The following GAS7 variants were observed in gnomAD, a reference collection of about 807,000 sequenced individuals.
GAS7 encodes the protein growth arrest specific 7.
In GAS7, 28 loss-of-function variants were observed where a neutral mutation model predicts 71.1. That is an observed-to-expected ratio of 0.39 (90% CI 0.29 to 0.54). The LOEUF (loss-of-function observed/expected upper bound fraction) is 0.54, where lower values mean the gene tolerates loss of function less well. Ranked by LOEUF, GAS7 falls within the 20% of genes least tolerant of loss-of-function variation. The pLI, the probability that GAS7 is intolerant of heterozygous loss-of-function variation, is 0.62. For missense variants in GAS7, 436 were observed against 627.8 expected (o/e 0.69, Z 3.27); for synonymous variants, 258 against 245.8 (o/e 1.05, Z -0.46).
In GAS7 at chr17:9,959,287, C is replaced by A. The variant is rs765094573; in HGVS notation, c.472-32G>T. On this transcript the variant is annotated intron_variant, in intron 4 of 13. Transcript: ENST00000432992. This position sits in a 1 kb window ranked among gnomAD's most constrained non-coding sequence, Gnocchi z 5.0. ...AGAGAGGCAAGAAACATCGTCAAAGCTGTTCTCCATATTGGACATTTTTTC... is the reference window on the plus strand; with the variant it reads ...AGAGAGGCAAGAAACATCGTCAAAGATGTTCTCCATATTGGACATTTTTTC... 6 of 1,614,070 alleles carry A rather than the reference C, an allele frequency of 3.7e-6. No homozygotes were observed. The highest frequency in any genetic ancestry group is 4.2e-6 in the Non-Finnish European group (5 of 1,179,952).
intron 1 of GAS7, among the ~76,000 whole-genome samples, chr17:10,124,825 A>G (rs542213679): frequency 1.3e-5 from 2 of 152,052 alleles, no homozygotes; most frequent in African/African-American, 4.8e-5. Flanking sequence ...GGCTGAGGCA[A>G]GAGAATCGCT....
rs77021150 is a variant in GAS7 at position 9,925,611 on chromosome 17, G to T, written c.1015-12C>A. 3 of 1,613,918 alleles carry T rather than the reference G, an allele frequency of 1.9e-6. No homozygotes were observed. Among genetic ancestry groups the T allele is most frequent in the African/African-American group, 1.3e-5 (1 of 74,918 alleles). Reference sequence around the variant, plus strand: ...AGGGCTTTCCGGGCCTGGGGTCCAAGGACACGGAGAAGCTGCTCATACAGC... The same window carrying T: ...AGGGCTTTCCGGGCCTGGGGTCCAATGACACGGAGAAGCTGCTCATACAGC... On this transcript the variant is annotated splice_polypyrimidine_tract_variant and intron_variant, in intron 10 of 13. Transcript: ENST00000432992.
Position 10,082,835 on chromosome 17 carries a change from C to T in GAS7, c.184-62938G>A, listed in dbSNP as rs972119091. On this transcript the variant is annotated intron_variant, in intron 1 of 13. Transcript: ENST00000432992. ...AAAAAGGGGTGAACCATTGGTACAA[C>T]AATGAGGATGAATGTCAGACATTAT... 2.6e-5 allele frequency among the ~76,000 whole-genome samples: 4 copies of T among 152,172 alleles called. No individual in the cohort carries two copies. The East Asian group carries it at 5.8e-4, about 22-fold the overall frequency.
At chr17:9,923,611 T>C (rs993537563) in intron 11 of GAS7, among the ~76,000 whole-genome samples, 2 of 152,206 alleles carry the variant, frequency 1.3e-5, no homozygotes, top group Non-Finnish European at 2.9e-5. Flanking sequence ...ATATCATTTT[T>C]CCCCACTCAC....
intron 1 of GAS7, among the ~76,000 whole-genome samples, chr17:10,088,206 G>C (rs2073541202): frequency 7.2e-6 from 1 of 138,052 alleles, no homozygotes; most frequent in Admixed American, 7.5e-5. Context: ...GGGCAACAGA[G>C]CGAGACTCTA....
chr17:9,953,814 TG>T (rs573481492), intron 5 of GAS7, among the ~76,000 whole-genome samples: 56 of 152,260 alleles, frequency 3.7e-4, no homozygotes, highest in Non-Finnish European at 6.9e-4. Flanking sequence ...TACAAGGGGA[TG>T]GGGACCATCT....
At chr17:10,120,838 G>C (rs1275544660) in intron 1 of GAS7, among the ~76,000 whole-genome samples, 1 of 152,218 alleles carries the variant, frequency 6.6e-6, no homozygotes, top group East Asian at 1.9e-4. Flanking sequence ...CAGGCTGCTA[G>C]GGGGAGGGAG....
chr17:10,179,476 C>A (rs75516926), intron 1 of GAS7, among the ~76,000 whole-genome samples: 15 of 112,928 alleles, frequency 1.3e-4, no homozygotes, highest in African/African-American at 5.2e-4. Context: ...TTATCTGTCA[C>A]CTTATCTAAG....
At chr17:9,991,070 A>G (rs2070824310) in intron 2 of GAS7, among the ~76,000 whole-genome samples, 1 of 152,316 alleles carries the variant, frequency 6.6e-6, no homozygotes, top group South Asian at 2.1e-4. Flanking sequence ...ACAGTTTCTG[A>G]CACAGAGTAA....
chr17:10,086,534 A>G (rs2073521674), intron 1 of GAS7, among the ~76,000 whole-genome samples: 1 of 152,242 alleles, frequency 6.6e-6, no homozygotes. Flanking sequence ...GAATGGTGAC[A>G]GAGTTTGAGT....
chr17:10,186,221 T>C (rs550372821), intron 1 of GAS7, among the ~76,000 whole-genome samples: 1 of 151,904 alleles, frequency 6.6e-6, no homozygotes, highest in Non-Finnish European at 1.5e-5. Flanking sequence ...CCTCCCAAAG[T>C]GCTGGCATTC....
chr17:10,019,990 G>T, intron 1 of GAS7, 93 bp from the exon 2 acceptor site: 1 of 1,232,130 alleles, frequency 8.1e-7, no homozygotes, highest in Non-Finnish European at 1.2e-6. Flanking sequence ...TCACCCTACA[G>T]TAGCGTGACA....
chr17:10,010,681 A>T (rs527811111), intron 2 of GAS7, among the ~76,000 whole-genome samples: 1 of 152,304 alleles, frequency 6.6e-6, no homozygotes, highest in African/African-American at 2.4e-5. Context: ...CCTACCTTAG[A>T]CGTGCCCAGA....
intron 2 of GAS7, among the ~76,000 whole-genome samples, chr17:10,013,678 C>T (rs1352500884): frequency 6.6e-6 from 1 of 152,338 alleles, no homozygotes; most frequent in African/African-American, 2.4e-5. Flanking sequence ...GGCCCAACGC[C>T]GTTTACTAAA....
chr17:10,115,034 TCTGG>T (rs879324995), intron 1 of GAS7, among the ~76,000 whole-genome samples: 190 of 152,130 alleles, frequency 1.2e-3, no homozygotes, highest in Non-Finnish European at 2.1e-3. Flanking sequence ...TGTCTGTCTG[TCTGG>T]CTGGCTGGCT....
At chr17:10,059,817 A>G (rs987892850) in intron 1 of GAS7, 1 of 984,852 alleles carries the variant, frequency 1.0e-6, no homozygotes, top group Non-Finnish European at 1.2e-6. Flanking sequence ...TATATATAGA[A>G]AGTTGCAGCC....
intron 2 of GAS7, among the ~76,000 whole-genome samples, chr17:10,016,384 C>CAAA (rs1217937101): frequency 9.8e-5 from 7 of 71,344 alleles, no homozygotes; most frequent in African/African-American, 3.2e-4. Flanking sequence ...GACTCCGTCT[C>CAAA]AAAAAAAAAA....
intron 1 of GAS7, among the ~76,000 whole-genome samples, chr17:10,072,745 C>T (rs921220330): frequency 2.0e-5 from 3 of 152,128 alleles, no homozygotes; most frequent in African/African-American, 7.2e-5. Flanking sequence ...TTGCCAGCAC[C>T]GTTTCCGAGA....
chr17:9,950,036 G>C (rs1214483271), intron 5 of GAS7, among the ~76,000 whole-genome samples: 1 of 151,940 alleles, frequency 6.6e-6, no homozygotes, highest in Admixed American at 6.6e-5. Flanking sequence ...GCTAGTTTTT[G>C]TATTTTTAGC....
Sources: allele counts gnomAD v4.1 joint callset (sites outside exome capture counted in the v4.1 genomes callset), GRCh38; gene constraint gnomAD v4.1.1; non-coding constraint Gnocchi (gnomAD v3.1); transcripts MANE v1.5; gene names NCBI Gene and HGNC (gene_info 2026-07-23, HGNC 2026-07-21).